Variants in ST3GAL3 observed in about 807,000 individuals in gnomAD.
The protein encoded by ST3GAL3 is ST3 beta-galactoside alpha-2,3-sialyltransferase 3.
In ST3GAL3, 21 loss-of-function variants were observed where a neutral mutation model predicts 50.1. That is an observed-to-expected ratio of 0.42 (90% CI 0.30 to 0.60). ST3GAL3 has a LOEUF of 0.60. Ranked by LOEUF, ST3GAL3 falls within the 20% of genes least tolerant of loss-of-function variation. The probability of loss-of-function intolerance (pLI) is 0.19; values close to 1 mark genes in which losing one functional copy is unlikely to be tolerated. For missense variants in ST3GAL3, 353 were observed against 489.4 expected (o/e 0.72, Z 2.63); for synonymous variants, 183 against 190.0 (o/e 0.96, Z 0.30).
At chr1:43,874,927 A>G in intron 5 of ST3GAL3, among the ~76,000 whole-genome samples, 1 of 152,178 alleles carries the variant, frequency 6.6e-6, no homozygotes, top group Non-Finnish European at 1.5e-5. Flanking sequence ...GATTGCCAGG[A>G]AGCATAAGGG....
At chr1:43,807,974 C>T (rs2060097764) in intron 3 of ST3GAL3, among the ~76,000 whole-genome samples, 3 of 151,906 alleles carry the variant, frequency 2.0e-5, no homozygotes, top group South Asian at 2.1e-4. Flanking sequence ...TGTAGGACAC[C>T]GAACTGGAGC....
chr1:43,775,830 A>T (rs953563155), intron 2 of ST3GAL3, among the ~76,000 whole-genome samples: 1 of 152,004 alleles, frequency 6.6e-6, no homozygotes, highest in African/African-American at 2.4e-5. Context: ...TCAATATAAT[A>T]TTAAGTAATA....
intron 9 of ST3GAL3, among the ~76,000 whole-genome samples, chr1:43,910,789 T>A (rs1438723378): frequency 6.6e-6 from 1 of 152,212 alleles, no homozygotes; most frequent in Admixed American, 6.5e-5. Context: ...TAATTCAGTA[T>A]AACCGGGGTG....
Position 43,899,037 on chromosome 1 carries a change from A to T in ST3GAL3, c.462-131A>T, listed in dbSNP as rs1219101473. 7.8e-7 allele frequency: 1 copy of T among 1,275,132 alleles called. No homozygotes were observed. The highest frequency in any genetic ancestry group is 1.1e-6 in the Non-Finnish European group (1 of 908,904). The allele number at this position is 1,275,132 out of a possible 1,614,324, so 79.0% of individuals were successfully genotyped here. A position where few individuals can be genotyped will look rare whatever the true frequency, so the allele number is the denominator to read the frequency against. On this transcript the variant is annotated intron_variant, in intron 7 of 11. Transcript: ENST00000347631. The surrounding 1 kb of genome is among the most constrained non-coding windows in gnomAD (Gnocchi z 5.4). ...GGCCTTCTCTCAGAAATGCTGCCAGAAGCCCATTGGTCTTCTTCCTCTATC... is the reference window on the plus strand; with the variant it reads ...GGCCTTCTCTCAGAAATGCTGCCAGTAGCCCATTGGTCTTCTTCCTCTATC...
chr1:43,787,512 A>G (rs1467222395), intron 2 of ST3GAL3, among the ~76,000 whole-genome samples: 1 of 152,268 alleles, frequency 6.6e-6, no homozygotes, highest in Admixed American at 6.5e-5. Flanking sequence ...CTCACAGCAG[A>G]TTTCATTTAA....
At chr1:43,823,725 A>G (rs37459) in intron 4 of ST3GAL3, among the ~76,000 whole-genome samples, 40,481 of 152,166 alleles carry the variant, frequency 0.27, 6,141 homozygotes, top group Middle Eastern at 0.35. Flanking sequence ...CAAAACCAGT[A>G]TCTACTGTAT....
intron 11 of ST3GAL3, among the ~76,000 whole-genome samples, chr1:43,928,817 G>A (rs1181133238): frequency 1.3e-5 from 2 of 152,064 alleles, no homozygotes; most frequent in African/African-American, 2.4e-5. Flanking sequence ...GCTGAGGCAG[G>A]AGAATCGCTT....
At chr1:43,844,126 T>C (rs1030248218) in intron 5 of ST3GAL3, among the ~76,000 whole-genome samples, 1 of 152,210 alleles carries the variant, frequency 6.6e-6, no homozygotes, top group Admixed American at 6.5e-5. Flanking sequence ...GGGCATGGCA[T>C]GTGGTAAGTG....
intron 1 of ST3GAL3, among the ~76,000 whole-genome samples, chr1:43,721,904 C>G (rs1670684826): frequency 6.6e-6 from 1 of 152,054 alleles, no homozygotes; most frequent in Non-Finnish European, 1.5e-5. Context: ...CCGGCCCCCT[C>G]ATGTATTTTT....
intron 2 of ST3GAL3, among the ~76,000 whole-genome samples, chr1:43,767,174 C>T (rs1051085032): frequency 3.9e-5 from 6 of 152,082 alleles, no homozygotes; most frequent in Middle Eastern, 3.2e-3. Flanking sequence ...GTTTCAGGGA[C>T]GGACAGATGC....
chr1:43,761,939 A>C, intron 2 of ST3GAL3, among the ~76,000 whole-genome samples: 1 of 117,164 alleles, frequency 8.5e-6, no homozygotes. Context: ...CAACAGAGCG[A>C]CACTCTGTCT....
chr1:43,804,909 C>G (rs1486314689), intron 3 of ST3GAL3, among the ~76,000 whole-genome samples: 1 of 152,136 alleles, frequency 6.6e-6, no homozygotes, highest in Admixed American at 6.5e-5. Flanking sequence ...GACAAAGACT[C>G]CAGGTCTCAG....
At chr1:43,772,038 T>C (rs1695449104) in intron 2 of ST3GAL3, 1 of 398,980 alleles carries the variant, frequency 2.5e-6, no homozygotes, top group East Asian at 3.6e-5. Flanking sequence ...GTCTTTTTTT[T>C]TTTTTTTTTA....
chr1:43,737,115 C>CA lies in ST3GAL3; in HGVS notation c.118+736dup, dbSNP rs3838466. On this transcript the variant is annotated intron_variant, in intron 2 of 11. Transcript: ENST00000347631. The surrounding 1 kb of genome is among the most constrained non-coding windows in gnomAD (Gnocchi z 4.0). ...TTTTCTTGGCTGTAGCTTGAAATAT[C>CA]ACACAGTGACCATAGTGGTTTTCTT... The CA allele has an allele frequency of 0.34, 52,799 of 153,404 alleles. 9,793 individuals carry two copies. Among genetic ancestry groups the CA allele is most frequent in the African/African-American group, 0.49 (20,171 of 41,484 alleles). 9.5% of individuals were successfully genotyped at this position (153,404 alleles called of 1,614,324 possible).
At chr1:43,775,200 C>T (rs541808859) in intron 2 of ST3GAL3, among the ~76,000 whole-genome samples, 1 of 151,998 alleles carries the variant, frequency 6.6e-6, no homozygotes, top group East Asian at 1.9e-4. Context: ...TTGCCAGAAC[C>T]TCCCTATTTT....
chr1:43,833,987 C>T (rs768126339), intron 4 of ST3GAL3, among the ~76,000 whole-genome samples: 15 of 152,196 alleles, frequency 9.9e-5, no homozygotes, highest in Admixed American at 3.3e-4. Flanking sequence ...ATGGTGAAAC[C>T]TTGTCTCTAC....
chr1:43,718,608 A>G (rs1668679305), intron 1 of ST3GAL3, among the ~76,000 whole-genome samples: 1 of 150,014 alleles, frequency 6.7e-6, no homozygotes, highest in Admixed American at 6.7e-5. Flanking sequence ...CCCTCCTTCA[A>G]CAGAAAAAAG....
At position 43,759,065 on chromosome 1, in the gene ST3GAL3, G is replaced by GCGCGCACACACACA. The variant is rs60386464; in HGVS notation, c.118+22686_118+22687insGCGCACACACACAC. ...TCCTAAAAAACAAACAAAAGCGCGC[G>GCGCGCACACACACA]CACACACACACACACACACACACAC... On this transcript the variant is annotated intron_variant, in intron 2 of 11. Coordinates refer to ENST00000347631, the MANE Select transcript of ST3GAL3 (RefSeq NM_006279.5). Among the ~76,000 whole-genome samples, 133 of 75,444 alleles carry GCGCGCACACACACA rather than the reference G, an allele frequency of 1.8e-3. 1 individual carries two copies. The highest frequency in any genetic ancestry group is 9.2e-3 in the East Asian group (28 of 3,036). 49.5% of individuals were successfully genotyped at this position (75,444 alleles called of 152,430 possible). A position where few individuals can be genotyped will look rare whatever the true frequency, so the allele number is the denominator to read the frequency against.
At chr1:43,744,226 A>G (rs1295294528) in intron 2 of ST3GAL3, among the ~76,000 whole-genome samples, 1 of 152,114 alleles carries the variant, frequency 6.6e-6, no homozygotes, top group Non-Finnish European at 1.5e-5. Flanking sequence ...CTTAAAAATG[A>G]ATCCTAGTTT....
Sources: gnomAD v4.1 joint callset for allele counts (sites outside exome capture counted in the v4.1 genomes callset) on GRCh38, gnomAD v4.1.1 for gene constraint, Gnocchi (gnomAD v3.1) non-coding constraint, MANE v1.5 for transcripts, NCBI Gene and HGNC (gene_info 2026-07-23, HGNC 2026-07-21) for gene names.